The following HLCS variants were observed in gnomAD, a reference collection of about 807,000 sequenced individuals.
HLCS encodes biotin--protein ligase.
Under a neutral mutation model 75.0 loss-of-function variants are expected in HLCS, and 53 were observed. The ratio of observed to expected loss-of-function variants is 0.71; its 90% CI spans 0.57 to 0.89. HLCS has a LOEUF of 0.89. HLCS is among the 40% of genes least tolerant of loss of function. HLCS has a pLI of 0.00. For missense variants in HLCS, 966 were observed against 1,074.0 expected (o/e 0.90, Z 1.41); for synonymous variants, 431 against 428.6 (o/e 1.01, Z -0.07).
chr21:36,835,083 C>T (rs747634835), intron 6 of HLCS, among the ~76,000 whole-genome samples: 12 of 152,092 alleles, frequency 7.9e-5, no homozygotes, highest in Admixed American at 1.3e-4. Context: ...ATGTCCTGGC[C>T]GGACAAAAGC....
chr21:36,923,897 G>A (rs887937899), intron 5 of HLCS, among the ~76,000 whole-genome samples: 3 of 152,140 alleles, frequency 2.0e-5, no homozygotes, highest in African/African-American at 7.2e-5. Flanking sequence ...AAAGAAACGA[G>A]AGAAAGAGGT....
At position 36,957,952 on chromosome 21, in the gene HLCS, G is replaced by A. The variant is rs2068056525; in HGVS notation, c.330+4084C>T. Among the ~76,000 whole-genome samples the A allele has an allele frequency of 6.6e-5, 10 of 150,868 alleles. No individual in the cohort carries two copies. The South Asian group carries it at 2.1e-3, about 32-fold the overall frequency. On this transcript the variant is annotated intron_variant, in intron 2 of 10. Coordinates refer to ENST00000674895, the MANE Select transcript of HLCS (RefSeq NM_001352514.2). ...TCGAAAAAAAAAAAAAAGAGGCCGG[G>A]CGCGGTGGCTCACGCCTGTAATCCC...
chr21:36,936,862 A>T lies in HLCS; in HGVS notation c.1024T>A (p.Tyr342Asn). Residue 342 changes from tyrosine to asparagine, a missense_variant, in exon 4 of 11, where the codon TAT becomes AAT. Transcript: ENST00000674895. ...TCCTCCAGCAGGTGGTAGAGAATAT[A>T]ACTGTCAATGTCCACACAGTCGGCC... The part of the protein sequence containing the change: ...VLADCVDIDS[Y>N]ILYHLLEDSA... 6.2e-7 allele frequency: 1 copy of T among 1,614,158 alleles called. No individual in the cohort carries two copies. Among genetic ancestry groups the T allele is most frequent in the Non-Finnish European group, 8.5e-7 (1 of 1,180,036 alleles).
chr21:36,791,327 G>C (rs2060857324), intron 6 of HLCS, among the ~76,000 whole-genome samples: 1 of 152,186 alleles, frequency 6.6e-6, no homozygotes, highest in Admixed American at 6.5e-5. Flanking sequence ...AGCGGTGACT[G>C]TTCAGTGAGA....
intron 2 of HLCS, among the ~76,000 whole-genome samples, chr21:36,951,883 G>A (rs2067686024): frequency 6.6e-6 from 1 of 152,174 alleles, no homozygotes; most frequent in Non-Finnish European, 1.5e-5. Context: ...GTGAAACGTA[G>A]CTGTTCAATA....
chr21:36,960,828 C>A (rs533973077), intron 2 of HLCS, among the ~76,000 whole-genome samples: 1 of 152,276 alleles, frequency 6.6e-6, no homozygotes, highest in East Asian at 1.9e-4. Flanking sequence ...AGCCTCAGGG[C>A]ATGGACTGCA....
chr21:36,770,282 G>C (rs536258401), intron 6 of HLCS, among the ~76,000 whole-genome samples: 1 of 151,844 alleles, frequency 6.6e-6, no homozygotes, highest in African/African-American at 2.4e-5. Flanking sequence ...GAATAGCTGG[G>C]ATTACAGGTG....
chr21:36,882,479 C>T (rs182582964), intron 6 of HLCS, among the ~76,000 whole-genome samples: 55 of 151,990 alleles, frequency 3.6e-4, no homozygotes, highest in African/African-American at 1.2e-3. Context: ...CTCACTCTGT[C>T]GCCCAGGCTG....
At chr21:36,849,834 CTGG>C (rs2062927492) in intron 6 of HLCS, among the ~76,000 whole-genome samples, 1 of 152,212 alleles carries the variant, frequency 6.6e-6, no homozygotes, top group Admixed American at 6.5e-5. Context: ...TGAACCTTGA[CTGG>C]ACAAACTCTT....
At chr21:36,775,072 C>G (rs1158716191) in intron 6 of HLCS, among the ~76,000 whole-genome samples, 1 of 152,182 alleles carries the variant, frequency 6.6e-6, no homozygotes, top group African/African-American at 2.4e-5. Context: ...GTTCAAAGAG[C>G]AGAGCCATCA....
In HLCS at chr21:36,833,486, G is replaced by A. The variant is rs139006474; in HGVS notation, c.1892+63374C>T. Among the ~76,000 whole-genome samples, 620 of 151,740 alleles carry A rather than the reference G, an allele frequency of 4.1e-3. 4 individuals carry two copies. Among genetic ancestry groups the A allele is most frequent in the African/African-American group, 0.014 (586 of 41,372 alleles). On this transcript the variant is annotated intron_variant, in intron 6 of 10. Transcript: ENST00000674895. Reference sequence around the variant, plus strand: ...TGTAATCCCAGCTACTCGGGAAGCTGAAGCAGGAGAATTGCTTGAACCTGG... The same window carrying A: ...TGTAATCCCAGCTACTCGGGAAGCTAAAGCAGGAGAATTGCTTGAACCTGG...
At chr21:36,773,703 G>T (rs1393105471) in intron 6 of HLCS, among the ~76,000 whole-genome samples, 1 of 152,210 alleles carries the variant, frequency 6.6e-6, no homozygotes, top group Non-Finnish European at 1.5e-5. Context: ...CCAATGGGAG[G>T]TGGCGAGGAA....
intron 1 of HLCS, among the ~76,000 whole-genome samples, chr21:36,963,647 G>T (rs548182587): frequency 6.6e-6 from 1 of 152,210 alleles, no homozygotes; most frequent in South Asian, 2.1e-4. Flanking sequence ...AGCTACTCGG[G>T]AGGCTAAGGC....
intron 6 of HLCS, among the ~76,000 whole-genome samples, chr21:36,795,518 C>T (rs143054883): frequency 1.3e-5 from 2 of 152,334 alleles, no homozygotes; most frequent in Non-Finnish European, 2.9e-5. Context: ...GCCTAGCATA[C>T]GGTAGTCATT....
At chr21:36,886,289 C>T (rs867684917) in intron 6 of HLCS, among the ~76,000 whole-genome samples, 25 of 151,828 alleles carry the variant, frequency 1.6e-4, no homozygotes, top group South Asian at 6.3e-4. Context: ...AAAAATTAGC[C>T]GGGCGTGGTA....
chr21:36,912,121 T>C (rs1394086311), intron 5 of HLCS, among the ~76,000 whole-genome samples: 1 of 150,734 alleles, frequency 6.6e-6, no homozygotes, highest in Non-Finnish European at 1.5e-5. Context: ...GATCCAGCAA[T>C]TCCACTCCCA....
Position 36,769,870 on chromosome 21 carries a change from GA to G in HLCS, c.1893-2586del, listed in dbSNP as rs529547640. On this transcript the variant is annotated intron_variant, in intron 6 of 10. Transcript: ENST00000674895. ...GCCAGCATGAATTAATGAAAAATCC[GA>G]ATGAACAAAAACGTAAATTCAGACC... Among the ~76,000 whole-genome samples, 490 of 152,268 alleles carry G rather than the reference GA, an allele frequency of 3.2e-3. 3 individuals carry two copies. The highest frequency in any genetic ancestry group is 0.011 in the African/African-American group (469 of 41,564).
At chr21:36,758,866 C>T (rs1185902762) in intron 9 of HLCS, among the ~76,000 whole-genome samples, 4 of 151,986 alleles carry the variant, frequency 2.6e-5, no homozygotes, top group Non-Finnish European at 4.4e-5. Flanking sequence ...ACCTGTTCTC[C>T]CAGCTACTTG....
intron 4 of HLCS, among the ~76,000 whole-genome samples, chr21:36,930,843 C>A (rs1015652431): frequency 7.9e-5 from 12 of 152,172 alleles, no homozygotes; most frequent in Admixed American, 2.6e-4. Context: ...AAGAACGATT[C>A]CAAAGAGCCT....
Sources: gnomAD v4.1 joint callset for allele counts (sites outside exome capture counted in the v4.1 genomes callset) on GRCh38, gnomAD v4.1.1 for gene constraint, MANE v1.5 for transcripts, NCBI Gene and HGNC (gene_info 2026-07-23, HGNC 2026-07-21) for gene names.